ADARB2: variants seen among roughly 807,000 people sequenced by gnomAD.
ADARB2 encodes adenosine deaminase RNA specific B2 (inactive), also known as inactive double-stranded RNA-specific editase B2.
In ADARB2, 25 loss-of-function variants were observed where a neutral mutation model predicts 62.2. The ratio of observed to expected loss-of-function variants is 0.40; its 90% confidence interval spans 0.29 to 0.56. The LOEUF is 0.56. ADARB2 is among the 20% of genes least tolerant of loss of function. The probability of loss-of-function intolerance (pLI) is 0.43; values close to 1 mark genes in which losing one functional copy is unlikely to be tolerated. For synonymous variants in ADARB2, 572 were observed against 500.8 expected (o/e 1.14, Z -1.90); for missense variants, 1,071 against 1,077.4 (o/e 0.99, Z 0.08).
intron 1 of ADARB2, among the ~76,000 whole-genome samples, chr10:1,404,543 G>C (rs1832690650): frequency 6.6e-6 from 1 of 152,218 alleles, no homozygotes; most frequent in Non-Finnish European, 1.5e-5. Context: ...TGTGTCACTT[G>C]ATTTTCTCAG....
At position 1,572,032 on chromosome 10, in the gene ADARB2, TGAGTGTGCAGGTGAGTGGACAGGG is replaced by T. The variant is rs1330499931; in HGVS notation, c.100+164995_100+165018del. ...CTGAGTGGAAAGGTGAGTAGGCAAG[TGAGTGTGCAGGTGAGTGGACAGGG>T]GAGTGTGCAGGTGAGTGGACAGGTG... On this transcript the variant is annotated intron_variant, in intron 1 of 9. Coordinates refer to ENST00000381312, the MANE Select transcript of ADARB2 (RefSeq NM_018702.4). Among the ~76,000 whole-genome samples the T allele has an allele frequency of 8.4e-4, 117 of 138,816 alleles. 1 individual carries two copies. The highest frequency in any genetic ancestry group is 2.7e-3 in the African/African-American group (97 of 35,578). 91.1% of individuals were successfully genotyped at this position (138,816 alleles called of 152,430 possible).
At chr10:1,577,687 A>G (rs940824496) in intron 1 of ADARB2, among the ~76,000 whole-genome samples, 1 of 152,266 alleles carries the variant, frequency 6.6e-6, no homozygotes, top group South Asian at 2.1e-4. Flanking sequence ...CAGCCCCACC[A>G]TCCCTGCCGC....
intron 1 of ADARB2, among the ~76,000 whole-genome samples, chr10:1,634,637 T>G (rs550892107): frequency 6.6e-6 from 1 of 152,334 alleles, no homozygotes; most frequent in African/African-American, 2.4e-5. Context: ...TGAATTCATG[T>G]TTATTATAAT....
At chr10:1,194,306 A>G (rs1836878435) in intron 8 of ADARB2, among the ~76,000 whole-genome samples, 1 of 152,232 alleles carries the variant, frequency 6.6e-6, no homozygotes, top group Admixed American at 6.5e-5. Flanking sequence ...GCAAAGACTC[A>G]GGTTCTGTGA....
intron 7 of ADARB2, among the ~76,000 whole-genome samples, chr10:1,203,633 G>A (rs1837014862): frequency 6.6e-6 from 1 of 151,832 alleles, no homozygotes; most frequent in Admixed American, 6.6e-5. Flanking sequence ...GTGTGACTGG[G>A]GAGTCAGTGC....
chr10:1,267,591 G>A (rs1438209660), intron 4 of ADARB2, among the ~76,000 whole-genome samples: 2 of 152,176 alleles, frequency 1.3e-5, no homozygotes, highest in African/African-American at 4.8e-5. Context: ...TATGGTAAAG[G>A]CACAATCTTC....
rs1028369316 is a variant in ADARB2 at position 1,373,972 on chromosome 10, T to C, written c.187+5102A>G. ...CGTGGGCTCCGCGCACCTTTCCTAG[T>C]GAAACCGCGTGGACTCCGTGCACCT... On this transcript the variant is annotated intron_variant, in intron 2 of 9. Coordinates refer to ENST00000381312, the MANE Select transcript of ADARB2 (RefSeq NM_018702.4). 4.2e-4 allele frequency among the ~76,000 whole-genome samples: 50 copies of C among 118,234 alleles called. 4 individuals are homozygous for C. Among genetic ancestry groups the C allele is most frequent in the African/African-American group, 1.3e-3 (50 of 37,458 alleles). The allele number at this position is 118,234 out of a possible 152,430, so 77.6% of individuals were successfully genotyped here.
At chr10:1,185,295 A>G (rs1317440818) in intron 8 of ADARB2, among the ~76,000 whole-genome samples, 1 of 152,194 alleles carries the variant, frequency 6.6e-6, no homozygotes, top group Non-Finnish European at 1.5e-5. Flanking sequence ...TAGTCTGGTG[A>G]TAATATAGCT....
chr10:1,220,096 A>ATGG (rs374892964), intron 6 of ADARB2, among the ~76,000 whole-genome samples: 331 of 118,504 alleles, frequency 2.8e-3, no homozygotes, highest in African/African-American at 0.011. Flanking sequence ...GGTAATGGTG[A>ATGG]TGGTGGTGGT....
chr10:1,269,198 C>T (rs1299382433), intron 4 of ADARB2, among the ~76,000 whole-genome samples: 2 of 151,710 alleles, frequency 1.3e-5, no homozygotes, highest in East Asian at 3.9e-4. Flanking sequence ...TAGCAGAAAT[C>T]TGTGTAACAC....
chr10:1,348,464 T>A (rs1049940307), intron 3 of ADARB2, among the ~76,000 whole-genome samples: 2 of 152,070 alleles, frequency 1.3e-5, no homozygotes, highest in African/African-American at 4.8e-5. Context: ...GAGCAGTGCT[T>A]GCTCCCTGCG....
At chr10:1,590,504 C>T (rs187227137) in intron 1 of ADARB2, among the ~76,000 whole-genome samples, 59 of 152,274 alleles carry the variant, frequency 3.9e-4, no homozygotes, top group Admixed American at 3.7e-3. Flanking sequence ...CCCCTCCTGC[C>T]CAGAGGCATT....
At chr10:1,662,361 C>A (rs7070710) in intron 1 of ADARB2, among the ~76,000 whole-genome samples, 1 of 151,934 alleles carries the variant, frequency 6.6e-6, no homozygotes, top group African/African-American at 2.4e-5. Context: ...ATTCAGCCAG[C>A]GCCCTGATTG....
intron 3 of ADARB2, among the ~76,000 whole-genome samples, chr10:1,343,121 G>A (rs1832045220): frequency 6.6e-6 from 1 of 152,172 alleles, no homozygotes; most frequent in Non-Finnish European, 1.5e-5. Flanking sequence ...AAGTTAGTCA[G>A]GGCTTTTCTG....
At chr10:1,558,740 AC>A (rs1832747158) in intron 1 of ADARB2, among the ~76,000 whole-genome samples, 3 of 144,648 alleles carry the variant, frequency 2.1e-5, no homozygotes, top group Non-Finnish European at 3.0e-5. Context: ...CTCCATCTAA[AC>A]TCGAATCCCA....
At chr10:1,242,772 CACAGGACAGGA>C (rs1163469748) in intron 4 of ADARB2, among the ~76,000 whole-genome samples, 1 of 138,306 alleles carries the variant, frequency 7.2e-6, no homozygotes, top group Non-Finnish European at 1.6e-5. Context: ...AACACAGAAA[CACAGGACAGGA>C]GCTGATGAAC....
intron 1 of ADARB2, among the ~76,000 whole-genome samples, chr10:1,399,875 C>T (rs1832647456): frequency 1.3e-5 from 2 of 150,400 alleles, no homozygotes; most frequent in African/African-American, 2.4e-5. Flanking sequence ...CTGAGGGACA[C>T]ACAGGAGGCC....
In ADARB2 at chr10:1,402,275, G is replaced by A. The variant is rs371680039; in HGVS notation, c.101-23115C>T. Among the ~76,000 whole-genome samples, 17 of 152,334 alleles carry A rather than the reference G, an allele frequency of 1.1e-4. No homozygotes were observed. The East Asian group carries it at 3.1e-3, about 28-fold the overall frequency. On this transcript the variant is annotated intron_variant, in intron 1 of 9. Coordinates refer to ENST00000381312, the MANE Select transcript of ADARB2 (RefSeq NM_018702.4). ...GTTTACGCGTGCGCGCGCCGGTCTG[G>A]CCAGGGGTAGGGCGCCTTCTAAAAT...
intron 1 of ADARB2, among the ~76,000 whole-genome samples, chr10:1,441,723 G>A (rs576558410): frequency 3.3e-5 from 5 of 152,122 alleles, no homozygotes; most frequent in East Asian, 1.9e-4. Context: ...AAATGTTGAC[G>A]CTTCCCATGC....
Sources: allele counts gnomAD v4.1 joint callset (sites outside exome capture counted in the v4.1 genomes callset), GRCh38; gene constraint gnomAD v4.1.1; transcripts MANE v1.5; gene names NCBI Gene and HGNC (gene_info 2026-07-23, HGNC 2026-07-21).